The following PRELID2 variants were observed in gnomAD, a reference collection of about 807,000 sequenced individuals.
PRELID2 encodes PRELI domain-containing protein 2.
Under a neutral mutation model 28.4 loss-of-function variants are expected in PRELID2, and 25 were observed. The ratio of observed to expected loss-of-function variants is 0.88; its 90% CI spans 0.64 to 1.23. The LOEUF is 1.23. Among genes scored for constraint, PRELID2 ranks in the 50% most tolerant of loss-of-function variants. The probability of loss-of-function intolerance (pLI) is 0.00; values close to 1 mark genes in which losing one functional copy is unlikely to be tolerated. For synonymous variants in PRELID2, 76 were observed against 71.6 expected (o/e 1.06, Z -0.31); for missense variants, 201 against 214.4 (o/e 0.94, Z 0.39).
intron 1 of PRELID2, among the ~76,000 whole-genome samples, chr5:145,706,712 AAATAAT>A (rs555773057): frequency 3.7e-4 from 57 of 152,344 alleles, no homozygotes; most frequent in African/African-American, 1.0e-3. Context: ...ATATAAAATA[AAATAAT>A]AATAACAGTG....
At chr5:145,359,127 C>T in the PRELID2 span, among the ~76,000 whole-genome samples, 1 of 152,174 alleles carries the variant, frequency 6.6e-6, no homozygotes, top group Non-Finnish European at 1.5e-5. Flanking sequence ...CAAACCTGTT[C>T]TTTTACTGAG....
At chr5:145,514,084 GAACT>G (rs1445706782) in intron 1 of PRELID2, among the ~76,000 whole-genome samples, 1 of 152,052 alleles carries the variant, frequency 6.6e-6, no homozygotes, top group Non-Finnish European at 1.5e-5. Flanking sequence ...GAAACTGCAT[GAACT>G]AACGGGCAAA....
At chr5:145,652,068 T>C (rs957034639) in intron 1 of PRELID2, among the ~76,000 whole-genome samples, 13 of 152,162 alleles carry the variant, frequency 8.5e-5, no homozygotes, top group African/African-American at 2.9e-4. Flanking sequence ...AAAGACCTGA[T>C]GGAGCTGAAA....
chr5:145,361,839 GA>G, the PRELID2 span, among the ~76,000 whole-genome samples: 1 of 151,992 alleles, frequency 6.6e-6, no homozygotes. Flanking sequence ...TCCTACCTGG[GA>G]GGCAATTTCC....
chr5:145,708,380 C>A (rs115187593), intron 1 of PRELID2, among the ~76,000 whole-genome samples: 1 of 151,588 alleles, frequency 6.6e-6, no homozygotes, highest in African/African-American at 2.4e-5. Flanking sequence ...TCTCTGGGAA[C>A]CAGTTTGATC....
At chr5:145,791,921 G>A (rs1042607078) in intron 5 of PRELID2, among the ~76,000 whole-genome samples, 1 of 152,128 alleles carries the variant, frequency 6.6e-6, no homozygotes, top group African/African-American at 2.4e-5. Flanking sequence ...GTGGAGTTTA[G>A]GTCAGCTGTA....
intron 1 of PRELID2, among the ~76,000 whole-genome samples, chr5:145,677,604 T>C (rs1754845657): frequency 6.6e-6 from 1 of 152,218 alleles, no homozygotes; most frequent in South Asian, 2.1e-4. Context: ...TTGACCATTA[T>C]TGAAGCTGGG....
intron 1 of PRELID2, among the ~76,000 whole-genome samples, chr5:145,694,979 T>C (rs1359229459): frequency 6.6e-6 from 1 of 152,066 alleles, no homozygotes; most frequent in Non-Finnish European, 1.5e-5. Flanking sequence ...ACCCCCCACA[T>C]AGTTATTGGA....
At chr5:145,358,267 G>T in the PRELID2 span, among the ~76,000 whole-genome samples, 1 of 152,042 alleles carries the variant, frequency 6.6e-6, no homozygotes, top group Non-Finnish European at 1.5e-5. Flanking sequence ...ATGAGAGGGA[G>T]GAGGTGGATG....
the PRELID2 span, among the ~76,000 whole-genome samples, chr5:145,416,586 T>G: frequency 6.6e-6 from 1 of 152,120 alleles, no homozygotes; most frequent in Non-Finnish European, 1.5e-5. Flanking sequence ...AATCAGGAAG[T>G]TCTTTGAAAC....
At chr5:145,504,427 C>T (rs962285803) in intron 1 of PRELID2, among the ~76,000 whole-genome samples, 9 of 152,146 alleles carry the variant, frequency 5.9e-5, no homozygotes, top group Non-Finnish European at 1.0e-4. Flanking sequence ...ATTTGATCTT[C>T]GCCAAAAGGC....
chr5:145,699,502 C>T (rs758799273), intron 1 of PRELID2, among the ~76,000 whole-genome samples: 19 of 152,140 alleles, frequency 1.2e-4, no homozygotes, highest in Non-Finnish European at 2.4e-4. Context: ...CATACCTAGG[C>T]TGACTCCAGG....
chr5:145,587,265 A>G (rs1753166517), intron 1 of PRELID2, among the ~76,000 whole-genome samples: 1 of 152,108 alleles, frequency 6.6e-6, no homozygotes, highest in South Asian at 2.1e-4. Context: ...AAAGTATCCT[A>G]TTTGGTGTGT....
At chr5:145,253,953 G>A in the PRELID2 span, among the ~76,000 whole-genome samples, 1 of 152,010 alleles carries the variant, frequency 6.6e-6, no homozygotes, top group African/African-American at 2.4e-5. Context: ...TAAAAAAGAA[G>A]ACAAAAAGAT....
intron 1 of PRELID2, among the ~76,000 whole-genome samples, chr5:145,711,255 A>C (rs1439873687): frequency 6.6e-6 from 1 of 152,182 alleles, no homozygotes; most frequent in Non-Finnish European, 1.5e-5. Context: ...CCATTCTAAC[A>C]AAAAGAATAG....
chr5:145,366,161 T>C, the PRELID2 span, among the ~76,000 whole-genome samples: 43 of 152,010 alleles, frequency 2.8e-4, 1 homozygote, highest in East Asian at 4.8e-3. Flanking sequence ...GACACATGTT[T>C]CACAATTATT....
At position 145,729,118 on chromosome 5, in the gene PRELID2, C is replaced by A. The variant is rs555763655; in HGVS notation, n.70+35813G>T. 6.9e-6 allele frequency: 4 copies of A among 579,214 alleles called. No individual in the cohort carries two copies. In the Admixed American group the frequency reaches 8.4e-5, roughly 12 times the overall value. 35.9% of individuals were successfully genotyped at this position (579,214 alleles called of 1,614,324 possible). The stretch of plus-strand genomic sequence containing the variant: ...TTGGTCCCATTGTTACCCTGGTTTC[C>A]GAGTACTCAGCTTTCCCACTGAGCT... On this transcript the variant is annotated intron_variant and non_coding_transcript_variant, in intron 1 of 2. Transcript: ENST00000510259.
chr5:145,740,132 G>T (rs1481156408), intron 1 of PRELID2, among the ~76,000 whole-genome samples: 1 of 149,440 alleles, frequency 6.7e-6, no homozygotes, highest in Non-Finnish European at 1.5e-5. Context: ...AAAGTAAAAA[G>T]ATTTAAGTAT....
At chr5:145,659,043 C>T (rs1484752007) in intron 1 of PRELID2, among the ~76,000 whole-genome samples, 1 of 152,106 alleles carries the variant, frequency 6.6e-6, no homozygotes, top group Non-Finnish European at 1.5e-5. Flanking sequence ...GGAAAATGAA[C>T]CTACAGCAGA....
Sources: allele counts gnomAD v4.1 joint callset (sites outside exome capture counted in the v4.1 genomes callset), GRCh38; gene constraint gnomAD v4.1.1; transcripts MANE v1.5; gene names NCBI Gene and HGNC (gene_info 2026-07-23, HGNC 2026-07-21).